The following HMGCLL1 variants were observed in gnomAD, a reference collection of about 807,000 sequenced individuals.
HMGCLL1 encodes 3-hydroxymethyl-3-methylglutaryl-CoA lyase, cytoplasmic.
HMGCLL1 carries 36 observed loss-of-function variants against 39.1 expected under a neutral mutation model. The observed-to-expected ratio is 0.92, with a 90% confidence interval of 0.71 to 1.22. The LOEUF (loss-of-function observed/expected upper bound fraction) is 1.22. Ranked by LOEUF, HMGCLL1 falls within the 50% of genes most tolerant of loss-of-function variation. HMGCLL1 has a pLI of 0.00. For missense variants in HMGCLL1, 451 were observed against 416.5 expected (o/e 1.08, Z -0.72); for synonymous variants, 149 against 144.0 (o/e 1.03, Z -0.25).
the HMGCLL1 span, among the ~76,000 whole-genome samples, chr6:55,636,641 G>A: frequency 6.6e-6 from 1 of 152,136 alleles, no homozygotes; most frequent in African/African-American, 2.4e-5. Context: ...TGAGTAATAT[G>A]CCTCTGGAGA....
the HMGCLL1 span, among the ~76,000 whole-genome samples, chr6:55,655,148 C>T: frequency 5.9e-5 from 9 of 151,826 alleles, no homozygotes; most frequent in Non-Finnish European, 1.3e-4. Flanking sequence ...TTTCCCAATC[C>T]CCTACAATGT....
intron 1 of HMGCLL1, among the ~76,000 whole-genome samples, chr6:55,542,799 T>TG (rs1581923127): frequency 3.6e-5 from 4 of 111,758 alleles, no homozygotes; most frequent in South Asian, 5.2e-4. Flanking sequence ...TATACCTATA[T>TG]TTATATATAT....
At chr6:55,613,754 A>C in the HMGCLL1 span, among the ~76,000 whole-genome samples, 4 of 152,092 alleles carry the variant, frequency 2.6e-5, no homozygotes, top group African/African-American at 9.7e-5. Flanking sequence ...AGGGAAGGTA[A>C]CAACACACAC....
intron 7 of HMGCLL1, among the ~76,000 whole-genome samples, chr6:55,468,683 G>T (rs1192150630): frequency 6.6e-6 from 1 of 151,856 alleles, no homozygotes; most frequent in Non-Finnish European, 1.5e-5. Flanking sequence ...TTACAGATAA[G>T]GGAACAATGG....
intron 5 of HMGCLL1, among the ~76,000 whole-genome samples, chr6:55,503,675 T>C (rs2127429763): frequency 6.6e-6 from 1 of 151,822 alleles, no homozygotes; most frequent in Non-Finnish European, 1.5e-5. Context: ...ACATAGCATA[T>C]TTAGTTAAAC....
intron 3 of HMGCLL1, among the ~76,000 whole-genome samples, chr6:55,525,411 T>C (rs1435236792): frequency 1.3e-5 from 2 of 151,990 alleles, no homozygotes; most frequent in Non-Finnish European, 2.9e-5. Flanking sequence ...GACTTAATTA[T>C]TTTGACATTT....
the HMGCLL1 span, among the ~76,000 whole-genome samples, chr6:55,654,409 G>A: frequency 3.3e-5 from 5 of 151,692 alleles, no homozygotes; most frequent in African/African-American, 9.6e-5. Context: ...AAAATTTGAA[G>A]TTATTTCTGA....
At chr6:55,624,311 T>C in the HMGCLL1 span, among the ~76,000 whole-genome samples, 8 of 152,270 alleles carry the variant, frequency 5.3e-5, no homozygotes, top group African/African-American at 1.9e-4. Flanking sequence ...AAGTGGTGAC[T>C]CCAATTGCAG....
intron 1 of HMGCLL1, among the ~76,000 whole-genome samples, chr6:55,543,090 T>A: frequency 3.4e-5 from 1 of 29,416 alleles, no homozygotes; most frequent in African/African-American, 1.1e-4. Context: ...GTGTGATATA[T>A]ATAATATAAT....
At chr6:55,605,021 T>C in the HMGCLL1 span, among the ~76,000 whole-genome samples, 1 of 152,210 alleles carries the variant, frequency 6.6e-6, no homozygotes, top group African/African-American at 2.4e-5. Context: ...ACGGTAAACA[T>C]GGAGATCTGC....
At chr6:55,612,520 T>G in the HMGCLL1 span, among the ~76,000 whole-genome samples, 2 of 152,174 alleles carry the variant, frequency 1.3e-5, no homozygotes, top group African/African-American at 4.8e-5. Flanking sequence ...GGAACAAAGC[T>G]GGAGGCATCA....
chr6:55,644,548 T>G, the HMGCLL1 span, among the ~76,000 whole-genome samples: 1 of 152,086 alleles, frequency 6.6e-6, no homozygotes, highest in Non-Finnish European at 1.5e-5. Context: ...ATTTATGTCT[T>G]TAATCTATTT....
intron 3 of HMGCLL1, among the ~76,000 whole-genome samples, chr6:55,522,701 A>G (rs1425734638): frequency 6.6e-6 from 1 of 152,008 alleles, no homozygotes; most frequent in Non-Finnish European, 1.5e-5. Context: ...TCTCATACCC[A>G]TTTATGATAC....
chr6:55,671,477 C>A, the HMGCLL1 span, among the ~76,000 whole-genome samples: 1 of 151,688 alleles, frequency 6.6e-6, no homozygotes, highest in Non-Finnish European at 1.5e-5. Flanking sequence ...TTACATGAAG[C>A]GAAACTAACA....
At chr6:55,597,901 G>A in the HMGCLL1 span, among the ~76,000 whole-genome samples, 1 of 152,062 alleles carries the variant, frequency 6.6e-6, no homozygotes, top group African/African-American at 2.4e-5. Context: ...ACTTTAATAA[G>A]ACAAACTCAT....
At chr6:55,539,649 G>C (rs76493264) in intron 3 of HMGCLL1, among the ~76,000 whole-genome samples, 2 of 151,620 alleles carry the variant, frequency 1.3e-5, no homozygotes, top group East Asian at 3.9e-4. Flanking sequence ...GGAGCTAAAT[G>C]ATGAGGACAC....
intron 3 of HMGCLL1, among the ~76,000 whole-genome samples, chr6:55,534,458 A>G (rs1187847776): frequency 6.6e-6 from 1 of 152,222 alleles, no homozygotes; most frequent in Non-Finnish European, 1.5e-5. Flanking sequence ...TAAAAGCCAT[A>G]CCACATTTGC....
intron 3 of HMGCLL1, among the ~76,000 whole-genome samples, chr6:55,538,539 C>A (rs541573484): frequency 2.0e-5 from 3 of 152,136 alleles, no homozygotes; most frequent in South Asian, 4.1e-4. Flanking sequence ...GGAAATATAC[C>A]TAGCCTAATC....
intron 7 of HMGCLL1, among the ~76,000 whole-genome samples, chr6:55,476,937 C>T (rs1317755629): frequency 7.2e-6 from 1 of 138,616 alleles, no homozygotes; most frequent in Non-Finnish European, 1.5e-5. Flanking sequence ...TCTACAACAA[C>T]AGCTGCTCTT....
Sources: allele counts gnomAD v4.1 joint callset (sites outside exome capture counted in the v4.1 genomes callset), GRCh38; gene constraint gnomAD v4.1.1; transcripts MANE v1.5; gene names NCBI Gene and HGNC (gene_info 2026-07-23, HGNC 2026-07-21).